SYTL2: variants seen among roughly 807,000 people sequenced by gnomAD.
SYTL2 encodes synaptotagmin-like protein 2.
A neutral mutation model predicts 198.7 loss-of-function variants in SYTL2; 165 were observed. That is an observed-to-expected ratio of 0.83 (90% CI 0.73 to 0.94). The LOEUF is 0.94. Among genes scored for constraint, SYTL2 ranks in the 40% least tolerant of loss-of-function variants. The pLI is 0.00. For missense variants in SYTL2, 2,835 were observed against 2,582.8 expected (o/e 1.10, Z -2.12); for synonymous variants, 966 against 917.7 (o/e 1.05, Z -0.95).
chr11:85,839,424 T>C, the SYTL2 span, among the ~76,000 whole-genome samples: 18 of 152,154 alleles, frequency 1.2e-4, no homozygotes, highest in African/African-American at 4.1e-4. Context: ...ATCTGAAGGA[T>C]AGTTACCAGA....
Position 85,726,487 on chromosome 11 carries a change from G to A in SYTL2, c.2871C>T (p.Ala957=), listed in dbSNP as rs1301326141. The A allele has an allele frequency of 3.7e-6, 6 of 1,609,774 alleles. No individual in the cohort carries two copies. The highest frequency in any genetic ancestry group is 5.1e-6 in the Non-Finnish European group (6 of 1,179,964). Residue 957 remains alanine (A), a synonymous_variant, in exon 8 of 20, where the codon GCC becomes GCT. Coordinates refer to ENST00000359152, the MANE Select transcript of SYTL2 (RefSeq NM_206927.4). ...CTTTTAGGGACATAACTTTAAAGTT[G>A]GCATTTGATTCACGAACTAGAGGTC... ...KDRPLVRESN[A]NFKVMSLKER...
the SYTL2 span, among the ~76,000 whole-genome samples, chr11:85,834,670 T>C: frequency 1.3e-5 from 2 of 152,176 alleles, no homozygotes; most frequent in Admixed American, 6.5e-5. Context: ...TTTGCCCAAC[T>C]GCAAGCTAAT....
rs1317828800 is a variant in SYTL2, at chr11:85,734,393, A to C, written c.936T>G (p.Ser312=). 1.2e-6 allele frequency: 2 copies of C among 1,614,214 alleles called. No homozygotes were observed. The highest frequency in any genetic ancestry group is 4.5e-5 in the East Asian group (2 of 44,888). ...SPGLTIHERI[S]EKEHSLEDNS... ...TGTCTTCTAAAGAATGCTCCTTCTC[A>C]GAAATTCTCTCATGGATGGTTAGGC... Residue 312 remains serine (S), a synonymous_variant, in exon 7 of 20, where the codon TCT becomes TCG. Transcript: ENST00000359152.
chr11:85,845,728 G>A, the SYTL2 span, among the ~76,000 whole-genome samples: 1 of 152,166 alleles, frequency 6.6e-6, no homozygotes, highest in African/African-American at 2.4e-5. Flanking sequence ...CTAGCACAGT[G>A]AAACCTGGTC....
chr11:85,722,861 TA>T (rs1480416798), intron 8 of SYTL2, among the ~76,000 whole-genome samples: 1 of 152,144 alleles, frequency 6.6e-6, no homozygotes, highest in Non-Finnish European at 1.5e-5. Context: ...TGAATAGGAT[TA>T]AAGGTGGATT....
At chr11:85,759,083 A>G (rs1443105117) in intron 1 of SYTL2, among the ~76,000 whole-genome samples, 1 of 151,796 alleles carries the variant, frequency 6.6e-6, no homozygotes, top group Non-Finnish European at 1.5e-5. Flanking sequence ...CGTCTCTACT[A>G]AAAAATACAA....
At chr11:85,721,848 C>T (rs1303801039) in intron 8 of SYTL2, among the ~76,000 whole-genome samples, 2 of 152,106 alleles carry the variant, frequency 1.3e-5, no homozygotes, top group Non-Finnish European at 1.5e-5. Flanking sequence ...TTCCTTACTG[C>T]GGACCTTCTC....
At position 85,700,611 on chromosome 11, in the gene SYTL2, G is replaced by A; in HGVS notation, c.6190-18C>T. 6.2e-7 allele frequency: 1 copy of A among 1,605,698 alleles called. No individual in the cohort carries two copies. The highest frequency in any genetic ancestry group is 8.5e-7 in the Non-Finnish European group (1 of 1,172,324). On this transcript the variant is annotated intron_variant, in intron 16 of 19. Transcript: ENST00000359152. Reference sequence around the variant, plus strand: ...GGTGCTGTCTGAAAAGTGAAGAAATGTCAGCAGGTGGGAGACAAACTTTTC... The same window carrying A: ...GGTGCTGTCTGAAAAGTGAAGAAATATCAGCAGGTGGGAGACAAACTTTTC...
At chr11:85,712,725 CTTT>C (rs1053317736) in intron 12 of SYTL2, among the ~76,000 whole-genome samples, 1 of 149,462 alleles carries the variant, frequency 6.7e-6, no homozygotes, top group East Asian at 1.9e-4. Flanking sequence ...CACACACACA[CTTT>C]TTTTTTCAAT....
At chr11:85,731,794 G>T (rs978781386) in intron 7 of SYTL2, among the ~76,000 whole-genome samples, 3 of 152,124 alleles carry the variant, frequency 2.0e-5, no homozygotes, top group Non-Finnish European at 4.4e-5. Flanking sequence ...GAGTGAAGAG[G>T]CAACCTACAG....
chr11:85,831,488 C>T, the SYTL2 span, among the ~76,000 whole-genome samples: 1 of 152,004 alleles, frequency 6.6e-6, no homozygotes, highest in Non-Finnish European at 1.5e-5. Flanking sequence ...GGAAATAGAT[C>T]CTTTTGGTTA....
At chr11:85,700,073 A>C (rs1418852525) in intron 17 of SYTL2, among the ~76,000 whole-genome samples, 1 of 152,186 alleles carries the variant, frequency 6.6e-6, no homozygotes, top group African/African-American at 2.4e-5. Context: ...TTGGAGAGTG[A>C]GGTGAAACCT....
chr11:85,752,917 TAAAAAAAAAA>T (rs1162431708), intron 2 of SYTL2, among the ~76,000 whole-genome samples: 18 of 17,722 alleles, frequency 1.0e-3, no homozygotes, highest in Admixed American at 6.8e-3. Context: ...CTGCCTTCAT[TAAAAAAAAAA>T]AAAAAAAAAA....
intron 1 of SYTL2, among the ~76,000 whole-genome samples, chr11:85,782,537 T>C (rs1238458146): frequency 6.6e-6 from 1 of 152,264 alleles, no homozygotes; most frequent in Non-Finnish European, 1.5e-5. Flanking sequence ...AAATGGTTTT[T>C]TCTTTTCTGT....
At chr11:85,790,869 A>C (rs542407900) in intron 1 of SYTL2, among the ~76,000 whole-genome samples, 2 of 152,298 alleles carry the variant, frequency 1.3e-5, no homozygotes, top group South Asian at 4.1e-4. Flanking sequence ...CCAATAAAAA[A>C]GAAATATCAG....
the SYTL2 span, among the ~76,000 whole-genome samples, chr11:85,842,989 A>C: frequency 6.6e-6 from 1 of 152,194 alleles, no homozygotes; most frequent in Non-Finnish European, 1.5e-5. Flanking sequence ...CTACTGTAGA[A>C]TGTGTTCAGT....
At chr11:85,705,082 T>TTA in intron 15 of SYTL2, 54 bp from the exon 16 acceptor site, 1 of 1,410,786 alleles carries the variant, frequency 7.1e-7, no homozygotes, top group Non-Finnish European at 9.9e-7. Context: ...GATGCCAAAG[T>TTA]TATAACACAG....
intron 17 of SYTL2, among the ~76,000 whole-genome samples, chr11:85,698,546 T>C (rs905746674): frequency 6.7e-6 from 1 of 149,546 alleles, no homozygotes; most frequent in Non-Finnish European, 1.5e-5. Context: ...GTAGTTATAC[T>C]TTTTTTTTTG....
At chr11:85,784,555 AAGG>A (rs1167977165) in intron 1 of SYTL2, among the ~76,000 whole-genome samples, 1 of 152,222 alleles carries the variant, frequency 6.6e-6, no homozygotes, top group Admixed American at 6.5e-5. Context: ...AAAGGAGATC[AAGG>A]AGAATAGTAA....
Sources: gnomAD v4.1 joint callset for allele counts (sites outside exome capture counted in the v4.1 genomes callset) on GRCh38, gnomAD v4.1.1 for gene constraint, MANE v1.5 for transcripts, NCBI Gene and HGNC (gene_info 2026-07-23, HGNC 2026-07-21) for gene names.